MAPK10: variants seen among roughly 807,000 people sequenced by gnomAD.
MAPK10 encodes the protein JNK3 alpha protein kinase.
A neutral mutation model predicts 59.3 loss-of-function variants in MAPK10; 25 were observed. The ratio of observed to expected loss-of-function variants is 0.42; its 90% CI spans 0.31 to 0.59. The LOEUF (loss-of-function observed/expected upper bound fraction) is 0.59, where lower values mean the gene tolerates loss of function less well. MAPK10 is among the 20% of genes least tolerant of loss of function. The pLI, the probability that MAPK10 is intolerant of heterozygous loss-of-function variation, is 0.15. For missense variants in MAPK10, 351 were observed against 568.9 expected (o/e 0.62, Z 3.90); for synonymous variants, 190 against 200.5 (o/e 0.95, Z 0.44).
In MAPK10 at chr4:86,107,357, A is replaced by G. The variant is rs770544486; in HGVS notation, c.237-5T>C. 10 of 1,604,940 alleles carry G rather than the reference A, an allele frequency of 6.2e-6. No homozygotes were observed. In the Admixed American group the frequency reaches 1.6e-4, roughly 25 times the overall value. On this transcript the variant is annotated splice_polypyrimidine_tract_variant and splice_region_variant and intron_variant, in intron 4 of 13. Coordinates refer to ENST00000641462, the MANE Select transcript of MAPK10 (RefSeq NM_138982.4). ...AGGACAGCATCATACGCGGCACTGT[A>G]GAGATCCAAGAGCAACTCAGAATTA...
intron 2 of MAPK10, among the ~76,000 whole-genome samples, chr4:86,205,288 A>G (rs2083549490): frequency 6.6e-6 from 1 of 152,036 alleles, no homozygotes. Flanking sequence ...CCAAGAAAAT[A>G]TAACAGTCTT....
chr4:86,527,145 C>T (rs944832420), intron 1 of MAPK10, among the ~76,000 whole-genome samples: 6 of 151,394 alleles, frequency 4.0e-5, no homozygotes, highest in Non-Finnish European at 7.4e-5. Flanking sequence ...CTTGTCGCTA[C>T]TAAAAGTTAA....
chr4:86,137,122 T>G (rs1581040818), intron 4 of MAPK10, among the ~76,000 whole-genome samples: 1 of 150,548 alleles, frequency 6.6e-6, no homozygotes, highest in Non-Finnish European at 1.5e-5. Flanking sequence ...ATTAGACAGA[T>G]CAACGAGACA....
At position 86,494,842 on chromosome 4, in the gene MAPK10, CAAAAAAAAAAAAAAAAAAAA is replaced by C. The variant is rs567947232; in HGVS notation, c.-263+99048_-263+99067del. Among the ~76,000 whole-genome samples the C allele has an allele frequency of 1.1e-3, 27 of 23,986 alleles. No individual in the cohort carries two copies. The South Asian group carries it at 0.014, about 13-fold the overall frequency. The allele number at this position is 23,986 out of a possible 152,430, so 15.7% of individuals were successfully genotyped here. A position where few individuals can be genotyped will look rare whatever the true frequency, so the allele number is the denominator to read the frequency against. On this transcript the variant is annotated intron_variant, in intron 1 of 4. Transcript: ENST00000502302. The stretch of plus-strand genomic sequence containing the variant: ...TGGGCGACAGAGAGAGACTCCGTCT[CAAAAAAAAAAAAAAAAAAAA>C]AAAAAAAAAAAAAAAAAAGCTTCAC...
chr4:86,020,493 C>T lies in MAPK10; in HGVS notation c.1253-3123G>A, dbSNP rs564273801. 174 of 161,650 alleles carry T rather than the reference C, an allele frequency of 1.1e-3. 5 individuals are homozygous for T. The South Asian group carries it at 0.033, about 31-fold the overall frequency. The allele number at this position is 161,650 out of a possible 1,614,324, so 10.0% of individuals were successfully genotyped here. On this transcript the variant is annotated intron_variant, in intron 13 of 13. Coordinates refer to ENST00000641462, the MANE Select transcript of MAPK10 (RefSeq NM_138982.4). ...GCATAGAGTAATTCTAGCTTTAACA[C>T]TTGAGGAACTGACAAACTGTGTCCG...
chr4:86,323,437 A>G (rs981530148), intron 2 of MAPK10, among the ~76,000 whole-genome samples: 16 of 152,198 alleles, frequency 1.1e-4, no homozygotes, highest in Non-Finnish European at 2.1e-4. Flanking sequence ...TGTTTTATGT[A>G]GGTAATCACA....
chr4:86,351,371 T>C (rs1243555693), intron 2 of MAPK10, among the ~76,000 whole-genome samples: 1 of 144,932 alleles, frequency 6.9e-6, no homozygotes, highest in Non-Finnish European at 1.5e-5. Flanking sequence ...TGTGTGTGTA[T>C]ATATATATAC....
At chr4:86,188,141 T>C (rs2078740795) in intron 3 of MAPK10, among the ~76,000 whole-genome samples, 1 of 152,214 alleles carries the variant, frequency 6.6e-6, no homozygotes, top group Non-Finnish European at 1.5e-5. Context: ...CTTTATCTAG[T>C]CTATTACTGA....
At chr4:86,533,480 G>T (rs999050648) in intron 1 of MAPK10, among the ~76,000 whole-genome samples, 1 of 150,154 alleles carries the variant, frequency 6.7e-6, no homozygotes, top group African/African-American at 2.4e-5. Flanking sequence ...ACAGTACTGA[G>T]GGTTCAGTAG....
intron 4 of MAPK10, among the ~76,000 whole-genome samples, chr4:86,122,913 GGT>G (rs1472386551): frequency 6.6e-6 from 1 of 151,626 alleles, no homozygotes; most frequent in Non-Finnish European, 1.5e-5. Flanking sequence ...CTATAAATTT[GGT>G]GTTTGTTCTT....
At chr4:86,151,336 TG>T (rs1485044317) in intron 4 of MAPK10, among the ~76,000 whole-genome samples, 1 of 152,102 alleles carries the variant, frequency 6.6e-6, no homozygotes, top group Non-Finnish European at 1.5e-5. Context: ...GTAAAAGGAT[TG>T]TAACAGCCGC....
intron 4 of MAPK10, among the ~76,000 whole-genome samples, chr4:86,108,367 C>T (rs2056903367): frequency 6.6e-6 from 1 of 152,086 alleles, no homozygotes; most frequent in Non-Finnish European, 1.5e-5. Context: ...TTGAGTCCTG[C>T]TGGGTTTTGT....
chr4:86,546,867 T>A (rs751249302), intron 1 of MAPK10, among the ~76,000 whole-genome samples: 7 of 151,994 alleles, frequency 4.6e-5, no homozygotes, highest in Non-Finnish European at 8.8e-5. Flanking sequence ...CCATCCTGGC[T>A]AACACAGTGA....
chr4:86,126,973 A>G (rs1241888502), intron 4 of MAPK10, among the ~76,000 whole-genome samples: 2 of 151,982 alleles, frequency 1.3e-5, no homozygotes, highest in Non-Finnish European at 2.9e-5. Context: ...GTGTTACACT[A>G]GAAACTGCCC....
At chr4:86,291,013 A>T (rs905229387) in intron 2 of MAPK10, among the ~76,000 whole-genome samples, 8 of 152,148 alleles carry the variant, frequency 5.3e-5, no homozygotes, top group South Asian at 2.1e-4. Flanking sequence ...TCTGGTGGTG[A>T]CTGAAAACTT....
chr4:86,590,145 T>C (rs1565087091), intron 1 of MAPK10, among the ~76,000 whole-genome samples: 4 of 151,998 alleles, frequency 2.6e-5, no homozygotes, highest in Admixed American at 1.3e-4. Context: ...AGAAATAAAA[T>C]ACATATTATG....
intron 10 of MAPK10, among the ~76,000 whole-genome samples, chr4:86,066,480 T>C (rs1278950384): frequency 6.6e-6 from 1 of 152,024 alleles, no homozygotes; most frequent in Non-Finnish European, 1.5e-5. Flanking sequence ...AGGGCTGGGG[T>C]TAGCCGGGCG....
intron 1 of MAPK10, among the ~76,000 whole-genome samples, chr4:86,366,861 G>C (rs916306879): frequency 6.6e-6 from 1 of 152,096 alleles, no homozygotes; most frequent in African/African-American, 2.4e-5. Flanking sequence ...TCCTGGAGTA[G>C]GGTGACCAAT....
chr4:86,465,386 T>C (rs1001300798), intron 1 of MAPK10, among the ~76,000 whole-genome samples: 1 of 152,176 alleles, frequency 6.6e-6, no homozygotes. Flanking sequence ...CATATAATTC[T>C]CAAGGGCAAG....
Sources: allele counts gnomAD v4.1 joint callset (sites outside exome capture counted in the v4.1 genomes callset), GRCh38; gene constraint gnomAD v4.1.1; transcripts MANE v1.5; gene names NCBI Gene and HGNC (gene_info 2026-07-23, HGNC 2026-07-21).